The following SEMA4B variants were observed in gnomAD, a reference collection of about 807,000 sequenced individuals.
The protein encoded by SEMA4B is semaphorin 4B, also known as semaphorin-4B.
Under a neutral mutation model 88.1 loss-of-function variants are expected in SEMA4B, and 55 were observed. That is an observed-to-expected ratio of 0.62 (90% CI 0.50 to 0.78). The LOEUF (loss-of-function observed/expected upper bound fraction) is 0.78. Ranked by LOEUF, SEMA4B falls within the 30% of genes least tolerant of loss-of-function variation. The probability of loss-of-function intolerance (pLI) is 0.00; values close to 1 mark genes in which losing one functional copy is unlikely to be tolerated. For synonymous variants in SEMA4B, 525 were observed against 473.6 expected (o/e 1.11, Z -1.41); for missense variants, 1,062 against 1,111.9 (o/e 0.96, Z 0.64).
chr15:90,217,409 C>G (rs757957091), intron 1 of SEMA4B, 30 bp from the exon 2 acceptor site: 2 of 1,598,676 alleles, frequency 1.3e-6, no homozygotes, highest in Non-Finnish European at 1.7e-6. Context: ...GAGGGGTGGC[C>G]CCAGGTAATA....
intron 1 of SEMA4B, among the ~76,000 whole-genome samples, chr15:90,204,175 C>T (rs964230723): frequency 1.3e-5 from 2 of 152,196 alleles, no homozygotes; most frequent in African/African-American, 4.8e-5. Context: ...CATGGGACGC[C>T]GGGCCCAGGG....
intron 9 of SEMA4B, among the ~76,000 whole-genome samples, chr15:90,224,629 G>A (rs992753707): frequency 2.0e-5 from 3 of 152,194 alleles, no homozygotes; most frequent in Admixed American, 6.5e-5. Context: ...GCACTGGGAC[G>A]CTCTGCCCGG....
At chr15:90,191,697 G>A (rs560276065) in intron 1 of SEMA4B, among the ~76,000 whole-genome samples, 11 of 152,324 alleles carry the variant, frequency 7.2e-5, no homozygotes, top group Middle Eastern at 6.8e-3. Flanking sequence ...GGCCGGTAGC[G>A]GGGAAAATGG....
chr15:90,202,471 C>T (rs1818983286), intron 1 of SEMA4B, among the ~76,000 whole-genome samples: 1 of 152,206 alleles, frequency 6.6e-6, no homozygotes, highest in South Asian at 2.1e-4. Context: ...CTTCTGTGGC[C>T]ACCTCCTGTT....
At chr15:90,207,502 G>C (rs1961053310) in intron 1 of SEMA4B, among the ~76,000 whole-genome samples, 1 of 152,206 alleles carries the variant, frequency 6.6e-6, no homozygotes, top group African/African-American at 2.4e-5. Context: ...TGTTGGATGT[G>C]GAAGTGCATT....
In SEMA4B at chr15:90,201,390, G is replaced by A. The variant is rs983560846; in HGVS notation, c.-189G>A. On this transcript the variant is annotated 5_prime_UTR_variant, in exon 1 of 14. Coordinates refer to ENST00000411539, the MANE Select transcript of SEMA4B (RefSeq NM_198925.4). ...GGGCCGGCGCCGGCGGGAGGACTGC[G>A]GTGCCCCGCGGAGGGGCTGAGTTTG... 7.9e-7 allele frequency: 1 copy of A among 1,272,510 alleles called. No homozygotes were observed. Among genetic ancestry groups the A allele is most frequent in the African/African-American group, 1.6e-5 (1 of 63,918 alleles). The allele number at this position is 1,272,510 out of a possible 1,614,324, so 78.8% of individuals were successfully genotyped here. A position where few individuals can be genotyped will look rare whatever the true frequency, so the allele number is the denominator to read the frequency against.
At chr15:90,207,294 T>C (rs953624140) in intron 1 of SEMA4B, among the ~76,000 whole-genome samples, 2 of 150,976 alleles carry the variant, frequency 1.3e-5, no homozygotes, top group Non-Finnish European at 2.9e-5. Flanking sequence ...GTGGGGGGCC[T>C]GTGGCGAGGG....
chr15:90,192,725 G>A (rs1318765381), intron 1 of SEMA4B, among the ~76,000 whole-genome samples: 1 of 151,750 alleles, frequency 6.6e-6, no homozygotes, highest in Non-Finnish European at 1.5e-5. Flanking sequence ...CGAGTAGCAG[G>A]GATTACAGCC....
At chr15:90,217,106 A>G in intron 1 of SEMA4B, 1 of 207,710 alleles carries the variant, frequency 4.8e-6, no homozygotes, top group Non-Finnish European at 9.5e-6. Flanking sequence ...TCCCAGCTGT[A>G]TAGTATTCAG....
rs575157683 is a variant in SEMA4B at position 90,201,363 on chromosome 15, C to A, written c.-216C>A. On this transcript the variant is annotated 5_prime_UTR_variant, in exon 1 of 14. Transcript: ENST00000411539. ...GTGAGCTCTGCCCAAGCCGAGGCTG[C>A]GGGGCCGGCGCCGGCGGGAGGACTG... The A allele has an allele frequency of 8.8e-4, 1,094 of 1,245,570 alleles. 1 individual carries two copies. Among genetic ancestry groups the A allele is most frequent in the Non-Finnish European group, 1.1e-3 (1,050 of 994,728 alleles). 77.2% of individuals were successfully genotyped at this position (1,245,570 alleles called of 1,614,324 possible).
Position 90,224,983 on chromosome 15 carries a change from G to C in SEMA4B, c.1210G>C (p.Ala404Pro). The change falls in exon 10 of 14, where the codon GCC becomes CCC. Residue 404 changes from alanine (A) to proline (P), a missense_variant. Coordinates refer to ENST00000411539, the MANE Select transcript of SEMA4B (RefSeq NM_198925.4). ...TCTCCTCCAGTGCATCACCAACAGT[G>C]CCCGGGAAAGGAAGATCAACTCATC... is the stretch of plus-strand genomic sequence containing the variant. Reference protein sequence around the residue: ...PRPGACITNSARERKINSSLQ... With the variant: ...PRPGACITNSPRERKINSSLQ... 6 of 1,613,912 alleles carry C rather than the reference G, an allele frequency of 3.7e-6. No homozygotes were observed. Among genetic ancestry groups the C allele is most frequent in the Non-Finnish European group, 5.1e-6 (6 of 1,179,854 alleles).
chr15:90,206,624 C>T (rs1223162637), intron 1 of SEMA4B: 11 of 624,168 alleles, frequency 1.8e-5, no homozygotes, highest in Non-Finnish European at 2.9e-5. Flanking sequence ...TGCTGCTTTA[C>T]AAGAGCTGTT....
chr15:90,195,830 G>A (rs542477601), intron 1 of SEMA4B, among the ~76,000 whole-genome samples: 3 of 151,914 alleles, frequency 2.0e-5, no homozygotes, highest in South Asian at 2.1e-4. Flanking sequence ...GGTTGGTCCC[G>A]AACCCCTGAG....
chr15:90,215,696 C>T (rs2151612049), intron 1 of SEMA4B, among the ~76,000 whole-genome samples: 1 of 152,234 alleles, frequency 6.6e-6, no homozygotes, highest in South Asian at 2.1e-4. Context: ...CCTGTAATCC[C>T]AGCTACTCGG....
rs761211498 is a variant in SEMA4B at position 90,201,691 on chromosome 15, C to T, written c.113C>T (p.Pro38Leu). 1 of 1,506,908 alleles carries T rather than the reference C, an allele frequency of 6.6e-7. No homozygotes were observed. The highest frequency in any genetic ancestry group is 2.6e-5 in the East Asian group (1 of 37,850). 93.3% of individuals were successfully genotyped at this position (1,506,908 alleles called of 1,614,324 possible). ...LLLLLLLLQP[P>L]PPTWALSPRI... Reference sequence around the variant, plus strand: ...CTGCTGCTGCTCCTGCTGCAGCCGCCGCCTCCGACCTGGGCGCTCAGCCCC... The same window carrying T: ...CTGCTGCTGCTCCTGCTGCAGCCGCTGCCTCCGACCTGGGCGCTCAGCCCC... Residue 38 changes from proline (P) to leucine (L), a missense_variant, in exon 1 of 14, where the codon CCG becomes CTG. By Grantham distance (98) the Pro-to-Leu change is moderately conservative (BLOSUM62 -3). Coordinates refer to ENST00000411539, the MANE Select transcript of SEMA4B (RefSeq NM_198925.4).
At chr15:90,204,876 A>G (rs1413824449) in intron 1 of SEMA4B, among the ~76,000 whole-genome samples, 3 of 152,138 alleles carry the variant, frequency 2.0e-5, no homozygotes, top group African/African-American at 7.2e-5. Flanking sequence ...CCCAAGTTCA[A>G]GTGATTCTCC....
Position 90,223,609 on chromosome 15 carries a change from C to T in SEMA4B, c.912C>T (p.Leu304=). ...TACAGCAGCGCTGGACCTCCTTCCT[C>T]AAGGCCCAGCTGCTGTGCTCACGGC... ...RVLQQRWTSF[L]KAQLLCSRPD... is the part of the protein sequence containing the mutation. The change falls in exon 8 of 14, where the codon CTC becomes CTT. Residue 304 remains leucine (L), a synonymous_variant. Transcript: ENST00000411539. 1.2e-6 allele frequency: 2 copies of T among 1,612,788 alleles called. No homozygotes were observed. The highest frequency in any genetic ancestry group is 1.1e-5 in the South Asian group (1 of 90,948).
At chr15:90,191,241 G>A (rs574738171) in intron 1 of SEMA4B, among the ~76,000 whole-genome samples, 1 of 152,338 alleles carries the variant, frequency 6.6e-6, no homozygotes, top group African/African-American at 2.4e-5. Context: ...TCACCACAGC[G>A]GACGCACCTG....
chr15:90,210,414 G>A (rs1266035034), intron 1 of SEMA4B, among the ~76,000 whole-genome samples: 2 of 152,188 alleles, frequency 1.3e-5, no homozygotes, highest in Non-Finnish European at 2.9e-5. Context: ...GAGTTAAGAA[G>A]AGCAGGGCCA....
Sources: gnomAD v4.1 joint callset for allele counts (sites outside exome capture counted in the v4.1 genomes callset) on GRCh38, gnomAD v4.1.1 for gene constraint, MANE v1.5 for transcripts, NCBI Gene and HGNC (gene_info 2026-07-23, HGNC 2026-07-21) for gene names.